The following SARS1 variants were observed in gnomAD, a reference collection of about 807,000 sequenced individuals.
The protein encoded by SARS1 is seryl-tRNA synthetase 1, also known as serine--tRNA ligase, cytoplasmic.
In SARS1, 25 loss-of-function variants were observed where a neutral mutation model predicts 63.7. The ratio of observed to expected loss-of-function variants is 0.39; its 90% confidence interval spans 0.29 to 0.55. The LOEUF is 0.55. Ranked by LOEUF, SARS1 falls within the 20% of genes least tolerant of loss-of-function variation. SARS1 has a pLI of 0.62. For synonymous variants in SARS1, 231 were observed against 243.5 expected (o/e 0.95, Z 0.48); for missense variants, 417 against 649.7 (o/e 0.64, Z 3.89).
At chr1:109,224,834 C>T (rs184596066) in intron 2 of SARS1, among the ~76,000 whole-genome samples, 1 of 152,272 alleles carries the variant, frequency 6.6e-6, no homozygotes, top group African/African-American at 2.4e-5. Flanking sequence ...CAGTAGCTCA[C>T]GCCTATAATC....
chr1:109,216,047 T>C, intron 1 of SARS1: 3 of 985,362 alleles, frequency 3.0e-6, no homozygotes, highest in Non-Finnish European at 3.6e-6. Flanking sequence ...TTCTTTTCTA[T>C]TTGACAACCC....
intron 1 of SARS1, among the ~76,000 whole-genome samples, chr1:109,218,366 G>GA (rs35425522): frequency 0.5 from 57,088 of 113,894 alleles, 13,967 homozygotes; most frequent in Non-Finnish European, 0.58. Context: ...GACTTCATCT[G>GA]AAAAAAAAAA....
Position 109,214,601 on chromosome 1 carries a change from C to T in SARS1, c.136+473C>T. On this transcript the variant is annotated intron_variant, in intron 1 of 10. Coordinates refer to ENST00000234677, the MANE Select transcript of SARS1 (RefSeq NM_006513.4). The surrounding 1 kb of genome is among the most constrained non-coding windows in gnomAD (Gnocchi z 4.6). ...CTTCTGCAACACAGTAGATTCATTC[C>T]TTCGGTATCGGAAGCATTTCGGGGC... The T allele has an allele frequency of 1.0e-6, 1 of 986,096 alleles. No homozygotes were observed. The highest frequency in any genetic ancestry group is 1.2e-6 in the Non-Finnish European group (1 of 830,350). The allele number at this position is 986,096 out of a possible 1,614,324, so 61.1% of individuals were successfully genotyped here.
chr1:109,219,637 C>T (rs1040667306), intron 1 of SARS1, among the ~76,000 whole-genome samples: 7 of 151,900 alleles, frequency 4.6e-5, no homozygotes, highest in African/African-American at 9.7e-5. Context: ...CTCAGCCTCC[C>T]GAGTAGCTGG....
At chr1:109,234,147 A>G (rs1203613573) in intron 6 of SARS1, among the ~76,000 whole-genome samples, 2 of 149,370 alleles carry the variant, frequency 1.3e-5, no homozygotes, top group Non-Finnish European at 3.0e-5. Flanking sequence ...CCAAAGTGCT[A>G]GGATTACAGG....
chr1:109,216,820 G>A (rs1440987411), intron 1 of SARS1: 19 of 619,062 alleles, frequency 3.1e-5, no homozygotes, highest in African/African-American at 4.0e-5. Context: ...ATGGAGTTTC[G>A]TCATGTTGCC....
intron 1 of SARS1, among the ~76,000 whole-genome samples, chr1:109,221,984 A>T (rs1457191514): frequency 4.1e-4 from 1 of 2,422 alleles, no homozygotes. Flanking sequence ...ATATATATAT[A>T]TATATATATA....
At chr1:109,234,298 A>G (rs754278503) in intron 6 of SARS1, among the ~76,000 whole-genome samples, 102 of 152,150 alleles carry the variant, frequency 6.7e-4, no homozygotes, top group Admixed American at 6.5e-4. Context: ...TGCTGGGATT[A>G]CAGGCATGAG....
chr1:109,214,883 TA>T lies in SARS1; in HGVS notation c.136+756del, dbSNP rs1654749433. 1 of 985,380 alleles carries T rather than the reference TA, an allele frequency of 1.0e-6. No individual in the cohort carries two copies. Among genetic ancestry groups the T allele is most frequent in the African/African-American group, 1.7e-5 (1 of 57,258 alleles). 61.0% of individuals were successfully genotyped at this position (985,380 alleles called of 1,614,324 possible). On this transcript the variant is annotated intron_variant, in intron 1 of 10. Transcript: ENST00000234677. This position sits in a 1 kb window ranked among gnomAD's most constrained non-coding sequence, Gnocchi z 4.6. ...GGATCTTGGAGTCATATCGGGCATC[TA>T]TCATGAAGCCGAATAAAACCATAGA...
chr1:109,236,265 G>T, intron 8 of SARS1, 126 bp from the exon 9 acceptor site: 3 of 1,297,156 alleles, frequency 2.3e-6, no homozygotes, highest in Non-Finnish European at 3.2e-6. Context: ...TTGGTGTTAA[G>T]AATATCTGGG....
Position 109,230,920 on chromosome 1 carries a change from G to A in SARS1, c.490G>A (p.Val164Ile), listed in dbSNP as rs768117785. Residue 164 changes from valine to isoleucine, a missense_variant, in exon 5 of 11, where the codon GTC becomes ATC. Physicochemically the swap from Val to Ile is conservative, Grantham distance 29. Transcript: ENST00000234677. ...KVERIWGDCT[V>I]RKKYSHVDLV... is the part of the protein sequence containing the mutation. Reference sequence around the variant, plus strand: ...AGAGAGGATTTGGGGTGATTGTACAGTCAGGAAGAAGTACTCTCATGTGGA... The same window carrying A: ...AGAGAGGATTTGGGGTGATTGTACAATCAGGAAGAAGTACTCTCATGTGGA... 9.4e-6 allele frequency: 15 copies of A among 1,603,036 alleles called. No individual in the cohort carries two copies. In the East Asian group the frequency reaches 2.7e-4, roughly 29 times the overall value.
chr1:109,230,757 A>T, intron 4 of SARS1, 121 bp from the exon 5 acceptor site: 1 of 805,280 alleles, frequency 1.2e-6, no homozygotes, highest in Non-Finnish European at 1.8e-6. Flanking sequence ...GTGAGCCAAG[A>T]TTGTGCCATT....
rs1655157076 is a variant in SARS1 at position 109,229,353 on chromosome 1, A to G, written c.289-61A>G. 8 of 1,554,602 alleles carry G rather than the reference A, an allele frequency of 5.1e-6. No individual in the cohort carries two copies. The Admixed American group carries it at 1.5e-4, about 29-fold the overall frequency. On this transcript the variant is annotated intron_variant, in intron 3 of 10. Coordinates refer to ENST00000234677, the MANE Select transcript of SARS1 (RefSeq NM_006513.4). ...ACAACAGGGTTAGGGCAACCGAATC[A>G]TATTCCTGTGCTGTCCTTGCCTCAC...
intron 3 of SARS1, 104 bp downstream of exon 3, chr1:109,228,536 C>T: frequency 1.4e-6 from 1 of 734,318 alleles, no homozygotes; most frequent in Non-Finnish European, 2.3e-6. Context: ...ATTGTGACAT[C>T]CTTTCATTTC....
At chr1:109,221,970 G>GTGTATATATATA (rs1654939076) in intron 1 of SARS1, among the ~76,000 whole-genome samples, 1 of 28,054 alleles carries the variant, frequency 3.6e-5, no homozygotes, top group African/African-American at 1.4e-4. Flanking sequence ...TTGTGTGTGT[G>GTGTATATATATA]TATATATATA....
chr1:109,231,333 T>C (rs1048063836), intron 5 of SARS1: 18 of 281,526 alleles, frequency 6.4e-5, no homozygotes, highest in Non-Finnish European at 1.0e-4. Context: ...GTCAGACAAG[T>C]AACAAAGAAT....
chr1:109,232,213 G>A (rs1166851646), intron 6 of SARS1, among the ~76,000 whole-genome samples: 3 of 152,156 alleles, frequency 2.0e-5, no homozygotes, highest in Non-Finnish European at 2.9e-5. Context: ...CTTCCACAGG[G>A]TGAGACATAC....
In SARS1 at chr1:109,235,982, A is replaced by G. The variant is rs1206278797; in HGVS notation, c.975A>G (p.Glu325=). The change falls in exon 8 of 11, where the codon GAA becomes GAG. Residue 325 remains glutamate, a synonymous_variant. Transcript: ENST00000234677. The surrounding 1 kb of genome is among the most constrained non-coding windows in gnomAD (Gnocchi z 4.7). ...CCTTGGGTCCCTCTCTGCAGATTGAACAGTTTGTGTACTCATCACCCCATG... is the reference window on the plus strand; with the variant it reads ...CCTTGGGTCCCTCTCTGCAGATTGAGCAGTTTGTGTACTCATCACCCCATG... The part of the protein sequence containing the change: ...IFRVHQFEKI[E]QFVYSSPHDN... The G allele has an allele frequency of 6.2e-7, 1 of 1,606,058 alleles. No homozygotes were observed. The highest frequency in any genetic ancestry group is 2.2e-5 in the East Asian group (1 of 44,816).
chr1:109,226,476 C>G (rs1232134277), intron 2 of SARS1, among the ~76,000 whole-genome samples: 1 of 149,566 alleles, frequency 6.7e-6, no homozygotes, highest in African/African-American at 2.5e-5. Context: ...CTCAGCCTCT[C>G]AAGTAACTAG....
Sources: allele counts gnomAD v4.1 joint callset (sites outside exome capture counted in the v4.1 genomes callset), GRCh38; gene constraint gnomAD v4.1.1; non-coding constraint Gnocchi (gnomAD v3.1); transcripts MANE v1.5; gene names NCBI Gene and HGNC (gene_info 2026-07-23, HGNC 2026-07-21).